Variants in HNF1B observed in about 807,000 individuals in gnomAD.
HNF1B encodes HNF1 homeobox B.
Under a neutral mutation model 61.7 loss-of-function variants are expected in HNF1B, and 8 were observed. That is an observed-to-expected ratio of 0.13 (90% confidence interval 0.08 to 0.23). The LOEUF (loss-of-function observed/expected upper bound fraction) is 0.23. HNF1B is among the 10% of genes least tolerant of loss of function. The pLI is 1.00. For missense variants in HNF1B, 562 were observed against 714.5 expected (o/e 0.79, Z 2.43); for synonymous variants, 314 against 287.7 (o/e 1.09, Z -0.93).
intron 4 of HNF1B, 107 bp from the exon 5 acceptor site, chr17:37,710,770 G>A: frequency 1.8e-6 from 2 of 1,102,550 alleles, no homozygotes; most frequent in Non-Finnish European, 2.7e-6. Flanking sequence ...AAATAAAGTT[G>A]CTTTCTCCTC....
At chr17:37,699,252 C>A (rs2032486222) in intron 7 of HNF1B, 58 bp from the exon 8 acceptor site, 1 of 1,286,996 alleles carries the variant, frequency 7.8e-7, no homozygotes, top group African/African-American at 1.5e-5. Context: ...GACACAGGTA[C>A]AGAGCCCCCA....
At chr17:37,741,818 G>T (rs1486277114) in intron 1 of HNF1B, among the ~76,000 whole-genome samples, 1 of 152,128 alleles carries the variant, frequency 6.6e-6, no homozygotes, top group Non-Finnish European at 1.5e-5. Context: ...CAGTGAATTA[G>T]CCCAACAATT....
intron 3 of HNF1B, among the ~76,000 whole-genome samples, 185 bp downstream of exon 3, chr17:37,733,372 T>C (rs1568665438): frequency 6.6e-6 from 1 of 152,222 alleles, no homozygotes; most frequent in African/African-American, 2.4e-5. Flanking sequence ...GAAGTATCCA[T>C]ATGCTGATTC....
intron 1 of HNF1B, among the ~76,000 whole-genome samples, chr17:37,742,062 C>G (rs184810088): frequency 1.3e-5 from 2 of 152,240 alleles, no homozygotes; most frequent in African/African-American, 4.8e-5. Context: ...GCACCGGTCC[C>G]GAAGAGGGCC....
chr17:37,715,854 G>A (rs1425035316), intron 4 of HNF1B, among the ~76,000 whole-genome samples: 1 of 152,096 alleles, frequency 6.6e-6, no homozygotes, highest in Non-Finnish European at 1.5e-5. Flanking sequence ...TGTGTTGGCC[G>A]GGCACGGTGG....
In HNF1B at chr17:37,686,722, T is replaced by G; in HGVS notation, c.*650A>C. On this transcript the variant is annotated 3_prime_UTR_variant, in exon 9 of 9. Coordinates refer to ENST00000617811, the MANE Select transcript of HNF1B (RefSeq NM_000458.4). ...AGGACAAGGGGCTTCACTTCCCACTTAGGATGTTTCTCCATGAGGGGAGAG... is the reference window on the plus strand; with the variant it reads ...AGGACAAGGGGCTTCACTTCCCACTGAGGATGTTTCTCCATGAGGGGAGAG... 5.8e-6 allele frequency: 1 copy of G among 173,024 alleles called. No individual in the cohort carries two copies. Among genetic ancestry groups the G allele is most frequent in the South Asian group, 1.3e-4 (1 of 7,952 alleles). 10.7% of individuals were successfully genotyped at this position (173,024 alleles called of 1,614,324 possible).
chr17:37,738,211 C>T (rs563293701), intron 2 of HNF1B, among the ~76,000 whole-genome samples: 2 of 151,386 alleles, frequency 1.3e-5, no homozygotes, highest in East Asian at 3.9e-4. Context: ...GGGGGGCCAA[C>T]CCATTCTTGG....
intron 7 of HNF1B, among the ~76,000 whole-genome samples, chr17:37,699,457 G>A (rs970929988): frequency 4.6e-5 from 7 of 152,232 alleles, no homozygotes; most frequent in East Asian, 3.8e-4. Flanking sequence ...GGAGGCCTCC[G>A]GTACGGAACG....
intron 3 of HNF1B, among the ~76,000 whole-genome samples, chr17:37,733,026 A>G (rs1457451100): frequency 6.6e-6 from 1 of 152,090 alleles, no homozygotes; most frequent in Non-Finnish European, 1.5e-5. Context: ...GCGGGGGCAG[A>G]GTGGACTGAA....
intron 4 of HNF1B, among the ~76,000 whole-genome samples, chr17:37,719,196 C>T (rs1035043029): frequency 1.3e-5 from 2 of 152,032 alleles, no homozygotes; most frequent in Admixed American, 1.3e-4. Flanking sequence ...AACTCCTGGG[C>T]TCAAGTAGTC....
Position 37,733,720 on chromosome 17 carries a change from G to T in HNF1B, c.646C>A (p.Pro216Thr). The change falls in exon 3 of 9, where the codon CCT becomes ACT. Residue 216 changes from proline (P) to threonine (T), a missense_variant. Coordinates refer to ENST00000617811, the MANE Select transcript of HNF1B (RefSeq NM_000458.4). ...GAGCAGGCATCATCGGACTGCCCAG[G>T]CCCATGGCTCTGTTGACTGAACTCT... ...FPEFSQQSHG[P>T]GQSDDACSEP... 1 of 1,614,176 alleles carries T rather than the reference G, an allele frequency of 6.2e-7. No homozygotes were observed. The highest frequency in any genetic ancestry group is 8.5e-7 in the Non-Finnish European group (1 of 1,180,040).
rs1267519411 is a variant in HNF1B at position 37,686,971 on chromosome 17, T to C, written c.*401A>G. 4.9e-6 allele frequency: 2 copies of C among 409,674 alleles called. No homozygotes were observed. The highest frequency in any genetic ancestry group is 4.0e-5 in the African/African-American group (2 of 49,546). The allele number at this position is 409,674 out of a possible 1,614,324, so 25.4% of individuals were successfully genotyped here. A position where few individuals can be genotyped will look rare whatever the true frequency, so the allele number is the denominator to read the frequency against. Reference sequence around the variant, plus strand: ...AGGGAGTCTGTGGATATTTACAGTGTGTTTGGCTCAGTTCAATAGCACATG... The same window carrying C: ...AGGGAGTCTGTGGATATTTACAGTGCGTTTGGCTCAGTTCAATAGCACATG... On this transcript the variant is annotated 3_prime_UTR_variant, in exon 9 of 9. Coordinates refer to ENST00000617811, the MANE Select transcript of HNF1B (RefSeq NM_000458.4).
At chr17:37,738,585 A>G (rs2033901188) in intron 2 of HNF1B, among the ~76,000 whole-genome samples, 1 of 152,262 alleles carries the variant, frequency 6.6e-6, no homozygotes, top group Admixed American at 6.5e-5. Context: ...CAAAGTAATG[A>G]AAGTGTAATG....
At chr17:37,699,859 A>G (rs1240441086) in intron 7 of HNF1B, among the ~76,000 whole-genome samples, 1 of 152,190 alleles carries the variant, frequency 6.6e-6, no homozygotes, top group Non-Finnish European at 1.5e-5. Context: ...AGAAGGCTGG[A>G]CTTGGCTGTT....
At position 37,710,655 on chromosome 17, in the gene HNF1B, A is replaced by G. The variant is rs373118494; in HGVS notation, c.1054T>C (p.Tyr352His). ...SPPNKLSGVR[Y>H]SQQGNNEITS... is the part of the protein sequence containing the mutation. ...ATCTCATTGTTTCCCTGCTGGCTGT[A>G]GCGCACTCCTGCAAAACAACACAAA... is the stretch of plus-strand genomic sequence containing the variant. The change falls in exon 5 of 9, where the codon TAC (tyrosine) becomes CAC (histidine). Residue 352 changes from tyrosine (Y) to histidine (H), a missense_variant. By Grantham distance (83) the Tyr-to-His change is moderately conservative (BLOSUM62 2). Around this residue, in one of 6 missense-constraint regions of HNF1B, gnomAD observed 211 missense variants for 200.7 expected, o/e 1.05. Coordinates refer to ENST00000617811, the MANE Select transcript of HNF1B (RefSeq NM_000458.4). 9 of 1,613,696 alleles carry G rather than the reference A, an allele frequency of 5.6e-6. No homozygotes were observed. In the African/African-American group the frequency reaches 1.2e-4, roughly 22 times the overall value.
chr17:37,687,381 T>C lies in HNF1B; in HGVS notation c.1665A>G (p.Gln555=), dbSNP rs1236735012. 1.2e-6 allele frequency: 2 copies of C among 1,613,624 alleles called. No homozygotes were observed. The highest frequency in any genetic ancestry group is 1.7e-6 in the Non-Finnish European group (2 of 1,179,782). Residue 555 remains glutamine, a synonymous_variant, in exon 9 of 9, where the codon CAA becomes CAG. Transcript: ENST00000617811. ...AAGTGGTGTGTGGGCATCACCAGGC[T>C]TGTAGAGGACACTGCAGAGAGAGAG... The part of the protein sequence containing the change: ...NMSSSKQCPL[Q]AW
intron 6 of HNF1B, among the ~76,000 whole-genome samples, 172 bp from the exon 7 acceptor site, chr17:37,701,349 C>T (rs1040663411): frequency 2.0e-5 from 3 of 152,228 alleles, no homozygotes; most frequent in African/African-American, 4.8e-5. Context: ...TATTAATTTA[C>T]TTGCTCAAGT....
intron 1 of HNF1B, among the ~76,000 whole-genome samples, chr17:37,741,265 AT>A (rs895601709): frequency 6.6e-6 from 1 of 152,224 alleles, no homozygotes; most frequent in Non-Finnish European, 1.5e-5. Context: ...AATCGAACAT[AT>A]TTTATAAGCA....
chr17:37,713,182 A>C (rs1218868940), intron 4 of HNF1B, among the ~76,000 whole-genome samples: 3 of 151,906 alleles, frequency 2.0e-5, no homozygotes, highest in Non-Finnish European at 4.4e-5. Flanking sequence ...TAACGCTGGG[A>C]GTCAGTTGTG....
Sources: gnomAD v4.1 joint callset for allele counts (sites outside exome capture counted in the v4.1 genomes callset) on GRCh38, gnomAD v4.1.1 for gene constraint, gnomAD v4.1.1 regional missense constraint, MANE v1.5 for transcripts, NCBI Gene and HGNC (gene_info 2026-07-23, HGNC 2026-07-21) for gene names.